Variants in BTAF1 observed in about 807,000 individuals in gnomAD.
BTAF1 encodes the protein TATA-binding protein-associated factor 172.
A neutral mutation model predicts 227.1 loss-of-function variants in BTAF1; 38 were observed. The observed-to-expected ratio is 0.17, with a 90% CI of 0.13 to 0.22. The LOEUF is 0.22. Ranked by LOEUF, BTAF1 falls within the 10% of genes least tolerant of loss-of-function variation. The pLI is 1.00. For missense variants in BTAF1, 1,598 were observed against 2,204.0 expected (o/e 0.73, Z 5.51); for synonymous variants, 742 against 751.9 (o/e 0.99, Z 0.21).
intron 4 of BTAF1, 32 bp from the exon 5 acceptor site, chr10:91,951,371 T>G (rs1156418140): frequency 6.9e-6 from 11 of 1,593,146 alleles, no homozygotes; most frequent in South Asian, 1.2e-5. Context: ...CTTAACTGAT[T>G]TGGAGAAAAC....
chr10:91,935,188 T>C (rs1231102755), intron 1 of BTAF1: 1 of 152,798 alleles, frequency 6.5e-6, no homozygotes, highest in Non-Finnish European at 1.5e-5. Context: ...ACATATACAA[T>C]GTAATGATCA....
At chr10:91,960,196 T>A in intron 11 of BTAF1, 42 bp downstream of exon 11, 1 of 1,586,212 alleles carries the variant, frequency 6.3e-7, no homozygotes, top group African/African-American at 1.4e-5. Context: ...GAGAGTTTTT[T>A]CCCCCTTATA....
At chr10:91,953,253 AAG>A (rs1420409796) in intron 5 of BTAF1, among the ~76,000 whole-genome samples, 1 of 152,224 alleles carries the variant, frequency 6.6e-6, no homozygotes, top group Non-Finnish European at 1.5e-5. Flanking sequence ...AAAGAGCAAA[AAG>A]AGTAGACAGT....
At chr10:92,015,672 A>G (rs1340617682) in intron 32 of BTAF1, among the ~76,000 whole-genome samples, 4 of 152,250 alleles carry the variant, frequency 2.6e-5, no homozygotes, top group Non-Finnish European at 5.9e-5. Context: ...TAGGCATAAA[A>G]TGCATTTAAG....
At chr10:91,997,844 C>A (rs1849244789) in intron 25 of BTAF1, 93 bp downstream of exon 25, 2 of 1,306,868 alleles carry the variant, frequency 1.5e-6, no homozygotes, top group Admixed American at 3.7e-5. Context: ...TACAAAGGCT[C>A]ATGCCTGTAA....
intron 20 of BTAF1, 148 bp from the exon 21 acceptor site, chr10:91,991,971 A>G: frequency 1.7e-6 from 1 of 592,622 alleles, no homozygotes; most frequent in South Asian, 3.7e-5. Flanking sequence ...TTTTATTGCC[A>G]TTTCATTGTC....
chr10:91,997,326 A>G, intron 24 of BTAF1: 1 of 517,978 alleles, frequency 1.9e-6, no homozygotes, highest in Non-Finnish European at 3.1e-6. Context: ...TCTCTATGAA[A>G]AAAATCTTAT....
intron 1 of BTAF1, among the ~76,000 whole-genome samples, chr10:91,934,854 T>C (rs1844498718): frequency 6.6e-6 from 1 of 152,242 alleles, no homozygotes; most frequent in African/African-American, 2.4e-5. Context: ...GTTAAAATTA[T>C]TTTCTACCAC....
intron 29 of BTAF1, 38 bp from the exon 30 acceptor site, chr10:92,011,248 A>C (rs370682889): frequency 1.8e-4 from 265 of 1,503,542 alleles, no homozygotes; most frequent in Non-Finnish European, 2.2e-4. Flanking sequence ...CCTGACATAC[A>C]GCAAAAGTTG....
chr10:92,005,249 T>C (rs1400343023), intron 25 of BTAF1, among the ~76,000 whole-genome samples: 1 of 152,180 alleles, frequency 6.6e-6, no homozygotes, highest in Non-Finnish European at 1.5e-5. Flanking sequence ...TTTTTGTTTG[T>C]TTGTTTTTAT....
chr10:91,963,780 GT>G (rs1846694905), intron 12 of BTAF1, among the ~76,000 whole-genome samples: 1 of 152,270 alleles, frequency 6.6e-6, no homozygotes, highest in Non-Finnish European at 1.5e-5. Context: ...TGTTTTCACT[GT>G]TAAGTTTTTT....
intron 20 of BTAF1, 40 bp from the exon 21 acceptor site, chr10:91,992,079 A>G (rs756006100): frequency 4.7e-6 from 7 of 1,493,466 alleles, no homozygotes; most frequent in African/African-American, 2.8e-5. Context: ...GGTATCACCA[A>G]TATTATGATT....
In BTAF1 at chr10:91,958,106, T is replaced by C. The variant is rs540420206; in HGVS notation, c.900+813T>C. 2.6e-5 allele frequency among the ~76,000 whole-genome samples: 4 copies of C among 152,282 alleles called. No individual in the cohort carries two copies. The East Asian group carries it at 7.7e-4, about 30-fold the overall frequency. The stretch of plus-strand genomic sequence containing the variant: ...CTCTGTCTCCCAGGCTGAAGTGCAG[T>C]GGCACGATCTTGACTCTCTGCAACC... On this transcript the variant is annotated intron_variant, in intron 8 of 37. Transcript: ENST00000265990.
chr10:91,997,508 G>A (rs1285677653), intron 24 of BTAF1, 95 bp from the exon 25 acceptor site: 2 of 1,079,414 alleles, frequency 1.9e-6, no homozygotes, highest in Non-Finnish European at 2.7e-6. Context: ...TGAGAAAATG[G>A]TGAGCCTTTT....
In BTAF1 at chr10:92,030,217, G is replaced by A. The variant is rs1447320484; in HGVS notation, c.*1284G>A. The A allele has an allele frequency of 6.6e-6, 1 of 152,460 alleles. No individual in the cohort carries two copies. Among genetic ancestry groups the A allele is most frequent in the African/African-American group, 2.4e-5 (1 of 41,410 alleles). 9.4% of individuals were successfully genotyped at this position (152,460 alleles called of 1,614,324 possible). ...TGTTTTGTTTAATTAAAATTATACT[G>A]TTCTGCAGCATTTAGACATTTGTCA... is the stretch of plus-strand genomic sequence containing the variant. On this transcript the variant is annotated 3_prime_UTR_variant, in exon 38 of 38. Coordinates refer to ENST00000265990, the MANE Select transcript of BTAF1 (RefSeq NM_003972.3).
chr10:91,963,933 A>T, intron 12 of BTAF1, 144 bp from the exon 13 acceptor site: 1 of 817,136 alleles, frequency 1.2e-6, no homozygotes, highest in Non-Finnish European at 1.9e-6. Context: ...TGACCTCCTT[A>T]ACTTTACTCA....
At chr10:92,001,276 C>T (rs1690509458) in intron 25 of BTAF1, among the ~76,000 whole-genome samples, 1 of 152,166 alleles carries the variant, frequency 6.6e-6, no homozygotes, top group African/African-American at 2.4e-5. Context: ...GAGGTAGCTG[C>T]ACAGAGAGAA....
intron 4 of BTAF1, among the ~76,000 whole-genome samples, chr10:91,948,158 A>G (rs1022733690): frequency 1.3e-5 from 1 of 75,890 alleles, no homozygotes; most frequent in Non-Finnish European, 2.7e-5. Context: ...TCCCTCCCCC[A>G]TCCCCCCACC....
intron 31 of BTAF1, 36 bp from the exon 32 acceptor site, chr10:92,013,863 C>CT (rs768702942): frequency 7.4e-6 from 12 of 1,612,750 alleles, no homozygotes; most frequent in Non-Finnish European, 1.0e-5. Context: ...TTATTCTTAA[C>CT]TTTTTTGAAG....
Sources: gnomAD v4.1 joint callset for allele counts (sites outside exome capture counted in the v4.1 genomes callset) on GRCh38, gnomAD v4.1.1 for gene constraint, MANE v1.5 for transcripts, NCBI Gene and HGNC (gene_info 2026-07-23, HGNC 2026-07-21) for gene names.